Variants in SLC5A8 observed in about 807,000 individuals in gnomAD.
SLC5A8 encodes the protein sodium-coupled monocarboxylate transporter 1.
SLC5A8 carries 55 observed loss-of-function variants against 71.9 expected under a neutral mutation model. The observed-to-expected ratio is 0.77, with a 90% CI of 0.62 to 0.96. SLC5A8 has a LOEUF of 0.96. SLC5A8 is among the 40% of genes least tolerant of loss of function. SLC5A8 has a pLI of 0.00. For missense variants in SLC5A8, 701 were observed against 745.3 expected, an observed-to-expected ratio of 0.94 and a Z score of 0.69; for synonymous variants, 307 against 276.1, an observed-to-expected ratio of 1.11 and a Z score of -1.11.
Position 101,202,890 on chromosome 12 carries a change from C to T in SLC5A8, c.418-675G>A, listed in dbSNP as rs571677079. ...CAAATATATCCCATAAAAGCAAATTCCATGATTATTCTATAAAAGCATATT... is the reference window on the plus strand; with the variant it reads ...CAAATATATCCCATAAAAGCAAATTTCATGATTATTCTATAAAAGCATATT... On this transcript the variant is annotated intron_variant, in intron 2 of 14. Transcript: ENST00000536262. Among the ~76,000 whole-genome samples the T allele has an allele frequency of 1.1e-3, 170 of 152,176 alleles. 2 individuals carry two copies. Among genetic ancestry groups the T allele is most frequent in the Admixed American group, 2.4e-3 (36 of 15,292 alleles).
rs564329413 is a variant in SLC5A8 at position 101,187,446 on chromosome 12, T to C, written c.903A>G (p.Leu301=). The C allele has an allele frequency of 2.8e-5, 45 of 1,614,006 alleles. No individual in the cohort carries two copies. Among genetic ancestry groups the C allele is most frequent in the Middle Eastern group, 1.6e-4 (1 of 6,062 alleles). The change falls in exon 7 of 15, where the codon CTA becomes CTG. Residue 301 remains leucine (L), a synonymous_variant. Transcript: ENST00000536262. ...LTCSVFCGLA[L]YSRYHDCDPW... is the part of the protein sequence containing the mutation. The stretch of plus-strand genomic sequence containing the variant: ...GATCACAGTCATGGTACCTGGAATA[T>C]AGGGCGAGCCCACAAAACACTGAGC...
intron 1 of SLC5A8, among the ~76,000 whole-genome samples, chr12:101,204,978 G>T (rs1268020290): frequency 2.6e-5 from 4 of 152,120 alleles, no homozygotes; most frequent in African/African-American, 9.7e-5. Flanking sequence ...GCAATCTGTT[G>T]TTCTCTTTCT....
intron 3 of SLC5A8, among the ~76,000 whole-genome samples, chr12:101,195,557 G>C (rs182638995): frequency 6.6e-6 from 1 of 152,212 alleles, no homozygotes; most frequent in Admixed American, 6.5e-5. Context: ...GTATCATACT[G>C]ACAATATAAT....
rs986883880 is a variant in SLC5A8, at chr12:101,155,873, A to G, written c.*1406T>C. On this transcript the variant is annotated 3_prime_UTR_variant, in exon 15 of 15. Coordinates refer to ENST00000536262, the MANE Select transcript of SLC5A8 (RefSeq NM_145913.5). The stretch of plus-strand genomic sequence containing the variant: ...TGTACAGGGCATGATTACCTAAATA[A>G]CACGTATCAGAAAATAAGCATAAAA... The G allele has an allele frequency of 5.9e-5, 9 of 151,678 alleles. No homozygotes were observed. Among genetic ancestry groups the G allele is most frequent in the Non-Finnish European group, 1.0e-4 (7 of 67,978 alleles). The allele number at this position is 151,678 out of a possible 1,614,324, so 9.4% of individuals were successfully genotyped here.
At chr12:101,209,443 T>C in intron 1 of SLC5A8, 55 bp downstream of exon 1, 1 of 1,418,488 alleles carries the variant, frequency 7.0e-7, no homozygotes, top group Non-Finnish European at 9.5e-7. Context: ...TCCAGAGGTC[T>C]GCAGAGTCCC....
At chr12:101,199,242 A>G (rs1182130980) in intron 3 of SLC5A8, 3 of 151,982 alleles carry the variant, frequency 2.0e-5, no homozygotes, top group Non-Finnish European at 4.4e-5. Context: ...GAGACTTTTT[A>G]TTTTATTATT....
rs538825091 is a variant in SLC5A8 at position 101,156,363 on chromosome 12, A to G, written c.*916T>C. 1 of 152,284 alleles carries G rather than the reference A, an allele frequency of 6.6e-6. No homozygotes were observed. The highest frequency in any genetic ancestry group is 2.1e-4 in the South Asian group (1 of 4,832). 9.4% of individuals were successfully genotyped at this position (152,284 alleles called of 1,614,324 possible). ...TGGATCATCAAGTCCATAAATACCT[A>G]CATCAAGTATATGTTAGTACCAAGC... On this transcript the variant is annotated 3_prime_UTR_variant, in exon 15 of 15. Coordinates refer to ENST00000536262, the MANE Select transcript of SLC5A8 (RefSeq NM_145913.5).
chr12:101,206,033 T>C (rs1869664797), intron 1 of SLC5A8, among the ~76,000 whole-genome samples: 1 of 152,204 alleles, frequency 6.6e-6, no homozygotes, highest in African/African-American at 2.4e-5. Context: ...TCTCCAAATG[T>C]CAGGTTCTTT....
chr12:101,202,787 A>G (rs917823439), intron 2 of SLC5A8, among the ~76,000 whole-genome samples: 4 of 152,168 alleles, frequency 2.6e-5, no homozygotes, highest in Non-Finnish European at 5.9e-5. Flanking sequence ...TTAACTATTT[A>G]TTGATCTGGG....
intron 1 of SLC5A8, among the ~76,000 whole-genome samples, chr12:101,205,772 C>T (rs1291669240): frequency 2.0e-5 from 3 of 152,180 alleles, no homozygotes; most frequent in Non-Finnish European, 2.9e-5. Flanking sequence ...TGCAAACTTG[C>T]CAGGGCCACA....
At chr12:101,185,816 G>T (rs1443184410) in intron 7 of SLC5A8, among the ~76,000 whole-genome samples, 2 of 152,102 alleles carry the variant, frequency 1.3e-5, no homozygotes, top group Non-Finnish European at 2.9e-5. Flanking sequence ...GACCTCAAGT[G>T]ATTTGCCTGC....
chr12:101,177,478 C>CACGCAT (rs1491425780), intron 10 of SLC5A8, among the ~76,000 whole-genome samples: 1 of 144,002 alleles, frequency 6.9e-6, no homozygotes, highest in Non-Finnish European at 1.5e-5. Flanking sequence ...CACACACACA[C>CACGCAT]GCATGCATGC....
intron 13 of SLC5A8, among the ~76,000 whole-genome samples, chr12:101,161,586 GTTA>G (rs1332360539): frequency 1.3e-5 from 2 of 152,092 alleles, no homozygotes; most frequent in African/African-American, 4.8e-5. Context: ...AGCATATTGG[GTTA>G]TTATAAAAAT....
In SLC5A8 at chr12:101,209,802, A is replaced by G. The variant is rs774962072; in HGVS notation, c.47T>C (p.Val16Ala). The G allele has an allele frequency of 6.3e-6, 10 of 1,599,446 alleles. No homozygotes were observed. In the South Asian group the frequency reaches 1.1e-4, roughly 18 times the overall value. The change falls in exon 1 of 15, where the codon GTG (valine) becomes GCG (alanine). Residue 16 changes from valine to alanine, a missense_variant. By Grantham distance (64) the Val-to-Ala change is moderately conservative. Coordinates refer to ENST00000536262, the MANE Select transcript of SLC5A8 (RefSeq NM_145913.5). The stretch of plus-strand genomic sequence containing the variant: ...GATGACCAGCATGCCCGCGAACACC[A>G]CGTAGTCCCACACCACGAAGGTGCC... Reference protein sequence around the residue: ...GIGTFVVWDYVVFAGMLVISA... With the variant: ...GIGTFVVWDYAVFAGMLVISA...
At chr12:101,195,575 T>C (rs1869135484) in intron 3 of SLC5A8, among the ~76,000 whole-genome samples, 1 of 152,090 alleles carries the variant, frequency 6.6e-6, no homozygotes, top group South Asian at 2.1e-4. Flanking sequence ...AATGACAATA[T>C]CAAATTGCTA....
chr12:101,182,937 T>C, intron 8 of SLC5A8, 22 bp from the exon 9 acceptor site: 1 of 1,378,738 alleles, frequency 7.3e-7, no homozygotes, highest in South Asian at 1.5e-5. Context: ...AATAAAACTT[T>C]TGATTTATAA....
intron 10 of SLC5A8, among the ~76,000 whole-genome samples, chr12:101,171,572 T>C (rs1169177005): frequency 6.6e-6 from 1 of 152,054 alleles, no homozygotes; most frequent in East Asian, 1.9e-4. Flanking sequence ...ACAGAGAGGA[T>C]ACAGTAGATC....
chr12:101,196,630 C>T (rs1348463327), intron 3 of SLC5A8, among the ~76,000 whole-genome samples: 1 of 151,960 alleles, frequency 6.6e-6, no homozygotes, highest in East Asian at 1.9e-4. Flanking sequence ...GTGACATTAC[C>T]ACACAGAGGA....
chr12:101,186,859 C>CA (rs1737248182), intron 7 of SLC5A8, among the ~76,000 whole-genome samples: 2 of 152,136 alleles, frequency 1.3e-5, no homozygotes, highest in African/African-American at 4.8e-5. Flanking sequence ...AGCATTTCCT[C>CA]ATCTGTAAAA....
Sources: gnomAD v4.1 joint callset for allele counts (sites outside exome capture counted in the v4.1 genomes callset) on GRCh38, gnomAD v4.1.1 for gene constraint, MANE v1.5 for transcripts, NCBI Gene and HGNC (gene_info 2026-07-23, HGNC 2026-07-21) for gene names.